Variants in ZNF362 observed in about 807,000 individuals in gnomAD.
The protein encoded by ZNF362 is zinc finger protein 362.
ZNF362 carries 11 observed loss-of-function variants against 42.9 expected under a neutral mutation model. The ratio of observed to expected loss-of-function variants is 0.26; its 90% confidence interval spans 0.16 to 0.42. The LOEUF (loss-of-function observed/expected upper bound fraction) is 0.42, where lower values mean the gene tolerates loss of function less well. Among genes scored for constraint, ZNF362 ranks in the 20% least tolerant of loss-of-function variants. The pLI, the probability that ZNF362 is intolerant of heterozygous loss-of-function variation, is 1.00. For missense variants in ZNF362, 362 were observed against 576.2 expected (o/e 0.63, Z 3.81); for synonymous variants, 255 against 257.3 (o/e 0.99, Z 0.09).
chr1:33,194,058 T>C, the ZNF362 span, among the ~76,000 whole-genome samples: 2 of 151,942 alleles, frequency 1.3e-5, no homozygotes, highest in African/African-American at 4.8e-5. Context: ...GAAGAAGAGC[T>C]TATGAAAAAA....
At chr1:33,276,233 C>A in intron 3 of ZNF362, 70 bp downstream of exon 3, 1 of 1,600,846 alleles carries the variant, frequency 6.2e-7, no homozygotes, top group Non-Finnish European at 8.5e-7. Context: ...TGGGTTTTGG[C>A]TGTGGCCTGC....
the ZNF362 span, chr1:33,176,319 A>C: frequency 1.6e-6 from 1 of 611,798 alleles, no homozygotes; most frequent in East Asian, 2.8e-5. Context: ...TCCTGGAAGA[A>C]ACCAGAGCCG....
chr1:33,190,929 G>A, the ZNF362 span, among the ~76,000 whole-genome samples: 1 of 152,300 alleles, frequency 6.6e-6, no homozygotes, highest in Non-Finnish European at 1.5e-5. Context: ...GGCATCAGCA[G>A]CATCTTTCCT....
At chr1:33,237,145 A>G in the ZNF362 span, among the ~76,000 whole-genome samples, 12 of 152,200 alleles carry the variant, frequency 7.9e-5, no homozygotes, top group Non-Finnish European at 4.4e-5. Context: ...TTCAATTAAA[A>G]ATAAAATTTA....
At chr1:33,201,251 G>A in the ZNF362 span, among the ~76,000 whole-genome samples, 1 of 152,178 alleles carries the variant, frequency 6.6e-6, no homozygotes. Context: ...GCATAGATCA[G>A]TAAAGATACA....
At position 33,266,496 on chromosome 1, in the gene ZNF362, G is replaced by A. The variant is rs1031445907; in HGVS notation, c.-88-3991G>A. On this transcript the variant is annotated intron_variant, in intron 1 of 8. Coordinates refer to ENST00000539719, the MANE Select transcript of ZNF362 (RefSeq NM_152493.3). This position sits in a 1 kb window ranked among gnomAD's most constrained non-coding sequence, Gnocchi z 4.3. ...GGGGACCATGGGAGTGTATAACAGG[G>A]TAGCCCAATTCCTATGTGGGAAACG... Among the ~76,000 whole-genome samples, 2 of 152,198 alleles carry A rather than the reference G, an allele frequency of 1.3e-5. No homozygotes were observed. Among genetic ancestry groups the A allele is most frequent in the Non-Finnish European group, 1.5e-5 (1 of 68,036 alleles).
Position 33,284,314 on chromosome 1 carries a change from A to G in ZNF362, c.908+2503A>G, listed in dbSNP as rs891143363. ...TCTTACTCTCAGGCTTGTCATGCCT[A>G]ATTAAATGAAATTTGTCTTTAACTG... is the stretch of plus-strand genomic sequence containing the variant. On this transcript the variant is annotated intron_variant, in intron 6 of 8. Transcript: ENST00000539719. Among the ~76,000 whole-genome samples, 3 of 152,358 alleles carry G rather than the reference A, an allele frequency of 2.0e-5. No homozygotes were observed. The East Asian group carries it at 5.8e-4, about 29-fold the overall frequency.
At chr1:33,202,546 C>T in the ZNF362 span, among the ~76,000 whole-genome samples, 3 of 149,446 alleles carry the variant, frequency 2.0e-5, no homozygotes, top group Admixed American at 6.7e-5. Context: ...TGCAGTGAGC[C>T]GAGATTGCGC....
chr1:33,267,000 C>G lies in ZNF362; in HGVS notation c.-88-3487C>G, dbSNP rs1004961847. 1.3e-5 allele frequency among the ~76,000 whole-genome samples: 2 copies of G among 152,168 alleles called. No individual in the cohort carries two copies. The highest frequency in any genetic ancestry group is 2.9e-5 in the Non-Finnish European group (2 of 68,016). On this transcript the variant is annotated intron_variant, in intron 1 of 8. Transcript: ENST00000539719. The surrounding 1 kb of genome is among the most constrained non-coding windows in gnomAD (Gnocchi z 4.3). Reference sequence around the variant, plus strand: ...CTCTCCTTCGGCTTGGTCCTCCCCGCTGGGGCCCCTGGATGGGACCAGGAG... The same window carrying G: ...CTCTCCTTCGGCTTGGTCCTCCCCGGTGGGGCCCCTGGATGGGACCAGGAG...
chr1:33,282,109 A>G (rs1172842172), intron 6 of ZNF362: 2 of 423,642 alleles, frequency 4.7e-6, no homozygotes, highest in African/African-American at 4.0e-5. Flanking sequence ...TCCTCCAGGA[A>G]GCCCTCCCTG....
the ZNF362 span, among the ~76,000 whole-genome samples, chr1:33,174,801 C>T: frequency 2.6e-5 from 4 of 152,028 alleles, no homozygotes; most frequent in Non-Finnish European, 5.9e-5. Flanking sequence ...TCTTTCGGGA[C>T]CACACAGGGC....
chr1:33,218,070 A>G, the ZNF362 span, among the ~76,000 whole-genome samples: 1 of 152,164 alleles, frequency 6.6e-6, no homozygotes, highest in African/African-American at 2.4e-5. Flanking sequence ...GACCATAAAC[A>G]CTGTAGCAGC....
At chr1:33,194,755 A>G in the ZNF362 span, 1 of 152,102 alleles carries the variant, frequency 6.6e-6, no homozygotes, top group Non-Finnish European at 1.5e-5. Context: ...AAATGAGTTT[A>G]TAGTTCTTGG....
rs114930484 is a variant in ZNF362 at position 33,262,674 on chromosome 1, C to A, written c.-89+6020C>A. ...GGTTCTGGGGCTCTGTCGGGGGACA[C>A]CTGCTTGAGAGGGGGCACAACCCTT... On this transcript the variant is annotated intron_variant, in intron 1 of 8. Coordinates refer to ENST00000539719, the MANE Select transcript of ZNF362 (RefSeq NM_152493.3). Among the ~76,000 whole-genome samples the A allele has an allele frequency of 3.7e-3, 566 of 152,246 alleles. 6 individuals are homozygous for A. The highest frequency in any genetic ancestry group is 0.013 in the African/African-American group (534 of 41,528).
the ZNF362 span, among the ~76,000 whole-genome samples, chr1:33,229,142 A>G: frequency 6.6e-6 from 1 of 151,516 alleles, no homozygotes; most frequent in African/African-American, 2.4e-5. Flanking sequence ...ACTACTCTCC[A>G]CCCCACCCAG....
chr1:33,289,210 G>A (rs897529159), intron 6 of ZNF362, among the ~76,000 whole-genome samples: 4 of 152,176 alleles, frequency 2.6e-5, no homozygotes, highest in African/African-American at 9.7e-5. Context: ...CTCGAGGCCC[G>A]CCGGGAGGCT....
the ZNF362 span, among the ~76,000 whole-genome samples, chr1:33,225,476 A>G: frequency 6.6e-6 from 1 of 152,162 alleles, no homozygotes; most frequent in Non-Finnish European, 1.5e-5. Context: ...TTTAATCAGA[A>G]GGGTCATTCA....
chr1:33,246,881 C>T, the ZNF362 span, among the ~76,000 whole-genome samples: 1 of 152,190 alleles, frequency 6.6e-6, no homozygotes, highest in Non-Finnish European at 1.5e-5. Context: ...TCAAGCCAGA[C>T]CAGTGAGGGT....
upstream of ZNF362, among the ~76,000 whole-genome samples, chr1:33,251,544 A>G (rs367960176): frequency 2.0e-5 from 3 of 152,126 alleles, no homozygotes; most frequent in Non-Finnish European, 4.4e-5. Context: ...AAACTCTGCC[A>G]TATCACATCT....
Sources: allele counts gnomAD v4.1 joint callset (sites outside exome capture counted in the v4.1 genomes callset), GRCh38; gene constraint gnomAD v4.1.1; non-coding constraint Gnocchi (gnomAD v3.1); transcripts MANE v1.5; gene names NCBI Gene and HGNC (gene_info 2026-07-23, HGNC 2026-07-21).